PPARA: variants seen among roughly 807,000 people sequenced by gnomAD.
PPARA encodes peroxisome proliferator activated receptor alpha.
A neutral mutation model predicts 42.2 loss-of-function variants in PPARA; 22 were observed. The observed-to-expected ratio is 0.52, with a 90% CI of 0.37 to 0.74. The LOEUF (loss-of-function observed/expected upper bound fraction) is 0.74. Among genes scored for constraint, PPARA ranks in the 30% least tolerant of loss-of-function variants. PPARA has a pLI of 0.00. For missense variants in PPARA, 465 were observed against 608.2 expected, an observed-to-expected ratio of 0.76 and a Z score of 2.48; for synonymous variants, 242 against 239.3, an observed-to-expected ratio of 1.01 and a Z score of -0.10.
Position 46,212,925 on chromosome 22 carries a change from G to T in PPARA, c.209-2248G>T, listed in dbSNP as rs898018623. Among the ~76,000 whole-genome samples the T allele has an allele frequency of 6.6e-6, 1 of 152,176 alleles. No homozygotes were observed. The highest frequency in any genetic ancestry group is 2.4e-5 in the African/African-American group (1 of 41,442). On this transcript the variant is annotated intron_variant, in intron 4 of 8. Transcript: ENST00000407236. This position sits in a 1 kb window ranked among gnomAD's most constrained non-coding sequence, Gnocchi z 4.2. ...GCAGGAGAATCACTTGAACCTGGAG[G>T]CAGAGGTTGCAGTGAGCTGAGATCG...
At position 46,167,202 on chromosome 22, in the gene PPARA, G is replaced by A. The variant is rs1406417487; in HGVS notation, c.-126-9551G>A. ...ATATGCAAAAGAACCTCAACCTTCA[G>A]CTCACAGCACTACAAACTCATAATT... On this transcript the variant is annotated intron_variant, in intron 2 of 8. Transcript: ENST00000407236. The surrounding 1 kb of genome is among the most constrained non-coding windows in gnomAD (Gnocchi z 4.1). 6.6e-6 allele frequency among the ~76,000 whole-genome samples: 1 copy of A among 151,526 alleles called. No homozygotes were observed. The highest frequency in any genetic ancestry group is 2.4e-5 in the African/African-American group (1 of 41,280).
Position 46,173,146 on chromosome 22 carries a change from T to C in PPARA, c.-126-3607T>C, listed in dbSNP as rs1402880103. ...TTGTTAACCGATGTTTGCTAAATGT[T>C]TGAATTATGTTGAGTTGCTTAAAGT... On this transcript the variant is annotated intron_variant, in intron 2 of 8. Coordinates refer to ENST00000407236, the MANE Select transcript of PPARA (RefSeq NM_005036.6). This position sits in a 1 kb window ranked among gnomAD's most constrained non-coding sequence, Gnocchi z 4.3. 6.6e-6 allele frequency among the ~76,000 whole-genome samples: 1 copy of C among 152,236 alleles called. No individual in the cohort carries two copies. The highest frequency in any genetic ancestry group is 2.4e-5 in the African/African-American group (1 of 41,464).
chr22:46,182,962 C>T lies in PPARA; in HGVS notation c.-43+6126C>T, dbSNP rs962658566. ...GTTTCGCCATGATTGCCAGGCTGGTCTTGAACTCCTGACCTCAGGTGATCC... is the reference window on the plus strand; with the variant it reads ...GTTTCGCCATGATTGCCAGGCTGGTTTTGAACTCCTGACCTCAGGTGATCC... On this transcript the variant is annotated intron_variant, in intron 3 of 8. Coordinates refer to ENST00000407236, the MANE Select transcript of PPARA (RefSeq NM_005036.6). This position sits in a 1 kb window ranked among gnomAD's most constrained non-coding sequence, Gnocchi z 5.2. Among the ~76,000 whole-genome samples, 2 of 152,190 alleles carry T rather than the reference C, an allele frequency of 1.3e-5. No individual in the cohort carries two copies. The highest frequency in any genetic ancestry group is 6.5e-5 in the Admixed American group (1 of 15,282).
chr22:46,191,076 C>T lies in PPARA; in HGVS notation c.-42-7266C>T, dbSNP rs1031435660. ...GGCGTGGTGGTGTGTGCCTGTAGTC[C>T]CAGCTACTCAGGAGGCTGAGGCACG... On this transcript the variant is annotated intron_variant, in intron 3 of 8. Transcript: ENST00000407236. This position sits in a 1 kb window ranked among gnomAD's most constrained non-coding sequence, Gnocchi z 4.6. Among the ~76,000 whole-genome samples, 3 of 152,078 alleles carry T rather than the reference C, an allele frequency of 2.0e-5. No individual in the cohort carries two copies. Among genetic ancestry groups the T allele is most frequent in the Non-Finnish European group, 4.4e-5 (3 of 68,022 alleles).
In PPARA at chr22:46,234,224, C is replaced by G. The variant is rs1384584953; in HGVS notation, c.1160-909C>G. ...CCTAGGAGTTCCAGTCCAGCCTAAG[C>G]AACAGAGCAAGACCCCATCACTAAA... On this transcript the variant is annotated intron_variant, in intron 8 of 8. Transcript: ENST00000407236. The surrounding 1 kb of genome is among the most constrained non-coding windows in gnomAD (Gnocchi z 5.8). Among the ~76,000 whole-genome samples the G allele has an allele frequency of 6.6e-6, 1 of 152,110 alleles. No homozygotes were observed. The highest frequency in any genetic ancestry group is 2.1e-4 in the South Asian group (1 of 4,826).
At chr22:46,217,256 C>A (rs1934575880) in intron 5 of PPARA, among the ~76,000 whole-genome samples, 1 of 152,176 alleles carries the variant, frequency 6.6e-6, no homozygotes, top group African/African-American at 2.4e-5. Flanking sequence ...GCGGGCCAAG[C>A]AGACCCACTG....
In PPARA at chr22:46,224,072, C is replaced by A. The variant is rs1300582936; in HGVS notation, c.711+4058C>A. Among the ~76,000 whole-genome samples the A allele has an allele frequency of 6.6e-6, 1 of 152,180 alleles. No homozygotes were observed. Among genetic ancestry groups the A allele is most frequent in the Non-Finnish European group, 1.5e-5 (1 of 68,036 alleles). Reference sequence around the variant, plus strand: ...AGAGTCAGATGCCCTCTTCCACCCACACCCACAAAGCCAGAGCACCGCAGG... The same window carrying A: ...AGAGTCAGATGCCCTCTTCCACCCAAACCCACAAAGCCAGAGCACCGCAGG... On this transcript the variant is annotated intron_variant, in intron 7 of 8. Transcript: ENST00000407236. The surrounding 1 kb of genome is among the most constrained non-coding windows in gnomAD (Gnocchi z 5.7).
Position 46,212,420 on chromosome 22 carries a change from A to G in PPARA, c.209-2753A>G, listed in dbSNP as rs549779244. On this transcript the variant is annotated intron_variant, in intron 4 of 8. Transcript: ENST00000407236. This position sits in a 1 kb window ranked among gnomAD's most constrained non-coding sequence, Gnocchi z 4.2. The stretch of plus-strand genomic sequence containing the variant: ...AAAAACCCCATGCTTCACCTATTCA[A>G]CCCTGCCTCTCCCACCCCCAGCCAG... 5.9e-4 allele frequency among the ~76,000 whole-genome samples: 89 copies of G among 152,102 alleles called. No individual in the cohort carries two copies. Among genetic ancestry groups the G allele is most frequent in the African/African-American group, 2.1e-3 (87 of 41,484 alleles).
At position 46,204,939 on chromosome 22, in the gene PPARA, C is replaced by T. The variant is rs1049032284; in HGVS notation, c.208+6348C>T. ...CTAGAGTGCAGTGGTGCGATCATGG[C>T]TTACTGCAGCCTTGACCTCTTGGGC... On this transcript the variant is annotated intron_variant, in intron 4 of 8. Coordinates refer to ENST00000407236, the MANE Select transcript of PPARA (RefSeq NM_005036.6). The surrounding 1 kb of genome is among the most constrained non-coding windows in gnomAD (Gnocchi z 5.2). Among the ~76,000 whole-genome samples, 2 of 152,014 alleles carry T rather than the reference C, an allele frequency of 1.3e-5. No individual in the cohort carries two copies. The highest frequency in any genetic ancestry group is 4.8e-5 in the African/African-American group (2 of 41,410).
intron 4 of PPARA, among the ~76,000 whole-genome samples, chr22:46,214,177 G>A (rs557835125): frequency 1.1e-3 from 162 of 152,318 alleles, no homozygotes; most frequent in African/African-American, 3.7e-3. Context: ...CGAGTTCTGC[G>A]TGGCACTGTC....
At chr22:46,209,490 C>T (rs2147491936) in intron 4 of PPARA, among the ~76,000 whole-genome samples, 1 of 152,270 alleles carries the variant, frequency 6.6e-6, no homozygotes. Context: ...TTCACTAATG[C>T]TAAGTTCTTT....
intron 3 of PPARA, among the ~76,000 whole-genome samples, chr22:46,189,695 T>C (rs1931273702): frequency 6.6e-6 from 1 of 151,930 alleles, no homozygotes; most frequent in Non-Finnish European, 1.5e-5. Flanking sequence ...AATCTTTTCT[T>C]TCTTTCTATT....
intron 4 of PPARA, among the ~76,000 whole-genome samples, chr22:46,202,014 A>T (rs992642778): frequency 6.6e-6 from 1 of 152,090 alleles, no homozygotes; most frequent in Non-Finnish European, 1.5e-5. Context: ...TCAGAGATAC[A>T]CTTTTTTCTT....
chr22:46,172,508 C>T (rs1044267675), intron 2 of PPARA, among the ~76,000 whole-genome samples: 1 of 152,048 alleles, frequency 6.6e-6, no homozygotes, highest in African/African-American at 2.4e-5. Flanking sequence ...GTTCCAGCTA[C>T]TCAGGAGGCT....
intron 2 of PPARA, among the ~76,000 whole-genome samples, chr22:46,153,717 GGCAT>G (rs1842934015): frequency 6.6e-6 from 1 of 152,018 alleles, no homozygotes; most frequent in Admixed American, 6.6e-5. Context: ...AAATTAGCTG[GGCAT>G]GGTGGCGGGT....
chr22:46,192,935 G>A lies in PPARA; in HGVS notation c.-42-5407G>A, dbSNP rs1569213418. 6.6e-6 allele frequency among the ~76,000 whole-genome samples: 1 copy of A among 152,150 alleles called. No homozygotes were observed. Among genetic ancestry groups the A allele is most frequent in the Non-Finnish European group, 1.5e-5 (1 of 68,028 alleles). ...GTGGGCTCTAAAAATCAAATCACTT[G>A]AACTCAGAGAGATTAGAAGGATGGT... On this transcript the variant is annotated intron_variant, in intron 3 of 8. Transcript: ENST00000407236. This position sits in a 1 kb window ranked among gnomAD's most constrained non-coding sequence, Gnocchi z 4.3.
intron 4 of PPARA, among the ~76,000 whole-genome samples, chr22:46,205,185 C>T (rs1282734375): frequency 6.6e-6 from 1 of 150,822 alleles, no homozygotes; most frequent in Non-Finnish European, 1.5e-5. Context: ...TTGATGAAGT[C>T]CAATTTATCA....
At position 46,198,592 on chromosome 22, in the gene PPARA, G is replaced by T; in HGVS notation, c.208+1G>T. The T allele has an allele frequency of 6.2e-7, 1 of 1,612,726 alleles. No individual in the cohort carries two copies. Among genetic ancestry groups the T allele is most frequent in the Non-Finnish European group, 8.5e-7 (1 of 1,179,240 alleles). On this transcript the variant is annotated splice_donor_variant, in intron 4 of 8. Transcript: ENST00000407236. LOFTEE classifies it high-confidence loss of function. ...GGCTCAGATGGCTCGGTCATCACGG[G>T]TAAGTGTGCCGTTTCCTAGAAAGTT...
At chr22:46,166,870 T>C (rs74820777) in intron 2 of PPARA, among the ~76,000 whole-genome samples, 76 of 152,308 alleles carry the variant, frequency 5.0e-4, no homozygotes, top group African/African-American at 1.6e-3. Flanking sequence ...CTTGTAGAAT[T>C]TGATAACCTG....
Sources: allele counts gnomAD v4.1 joint callset (sites outside exome capture counted in the v4.1 genomes callset), GRCh38; gene constraint gnomAD v4.1.1; non-coding constraint Gnocchi (gnomAD v3.1); transcripts MANE v1.5; gene names NCBI Gene and HGNC (gene_info 2026-07-23, HGNC 2026-07-21).